Variants in GLIS3 observed in about 807,000 individuals in gnomAD.
GLIS3 encodes zinc finger protein GLIS3.
Under a neutral mutation model 78.6 loss-of-function variants are expected in GLIS3, and 53 were observed. The ratio of observed to expected loss-of-function variants is 0.67; its 90% CI spans 0.54 to 0.85. GLIS3 has a LOEUF of 0.85. Among genes scored for constraint, GLIS3 ranks in the 40% least tolerant of loss-of-function variants. The probability of loss-of-function intolerance (pLI) is 0.00; values close to 1 mark genes in which losing one functional copy is unlikely to be tolerated. For synonymous variants in GLIS3, 684 were observed against 509.9 expected (o/e 1.34, Z -4.60); for missense variants, 1,703 against 1,231.1 (o/e 1.38, Z -5.74).
intron 1 of GLIS3, among the ~76,000 whole-genome samples, chr9:4,298,942 C>A (rs1476329450): frequency 6.6e-6 from 1 of 152,150 alleles, no homozygotes; most frequent in Non-Finnish European, 1.5e-5. Context: ...ACTACAGCCC[C>A]GCGTGTGCGC....
At chr9:4,292,083 G>A (rs10758593) in intron 1 of GLIS3, among the ~76,000 whole-genome samples, 68,200 of 151,860 alleles carry the variant, frequency 0.45, 15,440 homozygotes, top group African/African-American at 0.5. Flanking sequence ...TAAGAAAAAC[G>A]TAAATAAGTT....
intron 2 of GLIS3, among the ~76,000 whole-genome samples, chr9:4,221,154 C>T (rs1215506617): frequency 1.3e-5 from 2 of 152,048 alleles, no homozygotes; most frequent in Non-Finnish European, 1.5e-5. Context: ...AATGATTCAG[C>T]AAAGAAACGT....
intron 4 of GLIS3, among the ~76,000 whole-genome samples, chr9:4,029,824 T>A (rs1172324673): frequency 6.6e-6 from 1 of 152,228 alleles, no homozygotes; most frequent in Admixed American, 6.5e-5. Context: ...ATATACCACA[T>A]TTTTTAATCC....
At chr9:4,334,708 C>T (rs1173910985) in intron 2 of GLIS3, among the ~76,000 whole-genome samples, 1 of 152,184 alleles carries the variant, frequency 6.6e-6, no homozygotes, top group East Asian at 1.9e-4. Context: ...ATCCACACTA[C>T]TGCCCTTATG....
intron 4 of GLIS3, among the ~76,000 whole-genome samples, chr9:3,949,755 T>TTAGG (rs1408915196): frequency 7.9e-5 from 12 of 152,222 alleles, no homozygotes; most frequent in Non-Finnish European, 1.8e-4. Flanking sequence ...AATGGAATAT[T>TTAGG]TGCCTAAATA....
chr9:4,281,852 T>C (rs1827584126), intron 2 of GLIS3, among the ~76,000 whole-genome samples: 1 of 152,200 alleles, frequency 6.6e-6, no homozygotes, highest in African/African-American at 2.4e-5. Flanking sequence ...TTGCCTGGTG[T>C]CCAAAGGATA....
At chr9:3,919,648 T>TA (rs570683535) in intron 6 of GLIS3, among the ~76,000 whole-genome samples, 184 of 123,806 alleles carry the variant, frequency 1.5e-3, no homozygotes, top group Admixed American at 6.3e-3. Flanking sequence ...AGTTAAAAAA[T>TA]AAAAAAAAAA....
chr9:4,340,302 A>AAG (rs1817816141), intron 2 of GLIS3, among the ~76,000 whole-genome samples: 1 of 151,222 alleles, frequency 6.6e-6, no homozygotes, highest in South Asian at 2.1e-4. Context: ...AGAAAAAAAA[A>AAG]AAAAAGTATG....
rs187976030 is a variant in GLIS3, at chr9:4,053,004, G to T, written c.1710+64764C>A. On this transcript the variant is annotated intron_variant, in intron 4 of 10. Transcript: ENST00000381971. Reference sequence around the variant, plus strand: ...GCTGTGTTGCCCAGCCTGGAGTGCAGTAGCATGATCTCAGTTCACTGCAAT... The same window carrying T: ...GCTGTGTTGCCCAGCCTGGAGTGCATTAGCATGATCTCAGTTCACTGCAAT... Among the ~76,000 whole-genome samples, 338 of 152,228 alleles carry T rather than the reference G, an allele frequency of 2.2e-3. 1 individual carries two copies. Among genetic ancestry groups the T allele is most frequent in the Middle Eastern group, 0.02 (6 of 294 alleles).
intron 4 of GLIS3, among the ~76,000 whole-genome samples, chr9:4,003,249 AG>A (rs1206333684): frequency 6.6e-6 from 1 of 152,140 alleles, no homozygotes; most frequent in Admixed American, 6.5e-5. Flanking sequence ...TTTCTCTGGT[AG>A]CCCCCATTAT....
At chr9:4,390,728 C>G in the GLIS3 span, among the ~76,000 whole-genome samples, 1 of 152,144 alleles carries the variant, frequency 6.6e-6, no homozygotes, top group Admixed American at 6.5e-5. Flanking sequence ...CAGTAGTCCA[C>G]TGTGGGACAG....
intron 4 of GLIS3, among the ~76,000 whole-genome samples, chr9:3,943,649 T>C (rs1033020389): frequency 6.6e-6 from 1 of 152,234 alleles, no homozygotes; most frequent in Admixed American, 6.5e-5. Flanking sequence ...TCCAAGTATC[T>C]AAATAGATTT....
the GLIS3 span, among the ~76,000 whole-genome samples, chr9:4,404,900 G>C: frequency 6.6e-6 from 1 of 151,870 alleles, no homozygotes; most frequent in Non-Finnish European, 1.5e-5. Flanking sequence ...CTAAAATGAA[G>C]AAGACAATAC....
At chr9:4,147,927 C>G (rs1179648873) in intron 2 of GLIS3, among the ~76,000 whole-genome samples, 1 of 152,144 alleles carries the variant, frequency 6.6e-6, no homozygotes, top group East Asian at 1.9e-4. Flanking sequence ...AAAGGTAAGT[C>G]AACTTACTGT....
chr9:4,334,832 G>T (rs953552340), intron 2 of GLIS3, among the ~76,000 whole-genome samples: 1 of 151,990 alleles, frequency 6.6e-6, no homozygotes, highest in Admixed American at 6.5e-5. Context: ...GCCCAGCCAT[G>T]GGCAGTCATG....
chr9:3,905,599 C>T (rs1053644338), intron 6 of GLIS3, among the ~76,000 whole-genome samples: 19 of 152,168 alleles, frequency 1.2e-4, no homozygotes, highest in African/African-American at 4.6e-4. Flanking sequence ...CATCATTCCT[C>T]ACCATTTGCA....
chr9:4,120,993 T>C (rs1434405261), intron 3 of GLIS3, among the ~76,000 whole-genome samples: 2 of 152,366 alleles, frequency 1.3e-5, no homozygotes, highest in East Asian at 1.9e-4. Flanking sequence ...CATAAAGCCA[T>C]GCAGGCACAT....
At chr9:4,240,829 C>T (rs1216623241) in intron 2 of GLIS3, among the ~76,000 whole-genome samples, 1 of 151,980 alleles carries the variant, frequency 6.6e-6, no homozygotes, top group Non-Finnish European at 1.5e-5. Flanking sequence ...GTGTAACAAA[C>T]CTGCACATGT....
intron 2 of GLIS3, chr9:4,147,247 G>C (rs1834297187): frequency 6.6e-6 from 1 of 151,990 alleles, no homozygotes; most frequent in Non-Finnish European, 1.5e-5. Context: ...TCTATTATTG[G>C]AATTTCAATA....
Sources: allele counts gnomAD v4.1 joint callset (sites outside exome capture counted in the v4.1 genomes callset), GRCh38; gene constraint gnomAD v4.1.1; transcripts MANE v1.5; gene names NCBI Gene and HGNC (gene_info 2026-07-23, HGNC 2026-07-21).